MC2R: variants seen among roughly 807,000 people sequenced by gnomAD.
The protein encoded by MC2R is melanocortin 2 receptor.
In MC2R, 9 loss-of-function variants were observed where a neutral mutation model predicts 9.8. The observed-to-expected ratio is 0.92, with a 90% CI of 0.55 to 1.60. MC2R has a LOEUF of 1.60. MC2R is among the 40% of genes most tolerant of loss of function. The pLI is 0.00. For synonymous variants in MC2R, 185 were observed against 154.7 expected, an observed-to-expected ratio of 1.20 and a Z score of -1.45; for missense variants, 370 against 389.0, an observed-to-expected ratio of 0.95 and a Z score of 0.41.
chr18:13,890,664 G>A (rs138926719), intron 1 of MC2R, among the ~76,000 whole-genome samples: 9 of 152,038 alleles, frequency 5.9e-5, no homozygotes, highest in African/African-American at 1.9e-4. Context: ...TATGTCACTC[G>A]TTGCATAAGT....
At chr18:13,904,564 G>GA (rs201051873) in intron 1 of MC2R, among the ~76,000 whole-genome samples, 1 of 149,444 alleles carries the variant, frequency 6.7e-6, no homozygotes, top group African/African-American at 2.5e-5. Flanking sequence ...TTAGACAGGA[G>GA]AAAAAAAAGG....
At chr18:13,896,740 C>A (rs2045348126) in intron 1 of MC2R, among the ~76,000 whole-genome samples, 1 of 152,162 alleles carries the variant, frequency 6.6e-6, no homozygotes, top group South Asian at 2.1e-4. Context: ...TGATTTATGA[C>A]TCAGTGGCCT....
At chr18:13,886,950 G>A (rs2045280118) in intron 1 of MC2R, among the ~76,000 whole-genome samples, 1 of 152,246 alleles carries the variant, frequency 6.6e-6, no homozygotes, top group South Asian at 2.1e-4. Context: ...GGTGGATGCG[G>A]AAGGAAGGGG....
chr18:13,911,116 C>G (rs1209655488), intron 1 of MC2R, among the ~76,000 whole-genome samples: 2 of 152,204 alleles, frequency 1.3e-5, no homozygotes, highest in Non-Finnish European at 2.9e-5. Context: ...AACCCCAGAG[C>G]TGCGGTGATT....
chr18:13,909,866 A>T (rs182153954), intron 1 of MC2R, among the ~76,000 whole-genome samples: 14 of 152,372 alleles, frequency 9.2e-5, no homozygotes, highest in African/African-American at 3.4e-4. Context: ...GCAGAATGGT[A>T]TTAGAAACCA....
intron 1 of MC2R, 54 bp from the exon 2 acceptor site, chr18:13,885,700 C>T: frequency 6.1e-6 from 4 of 652,680 alleles, no homozygotes; most frequent in South Asian, 4.0e-5. Context: ...AAAATAAAAA[C>T]CAGCCACACT....
At chr18:13,904,769 C>G (rs2045403046) in intron 1 of MC2R, among the ~76,000 whole-genome samples, 1 of 152,144 alleles carries the variant, frequency 6.6e-6, no homozygotes. Context: ...TGATCTTTGA[C>G]AAACCCGACA....
At chr18:13,898,219 C>T (rs984170014) in intron 1 of MC2R, among the ~76,000 whole-genome samples, 2 of 152,172 alleles carry the variant, frequency 1.3e-5, no homozygotes, top group Non-Finnish European at 2.9e-5. Flanking sequence ...AACAAGGAAA[C>T]ATCGGTGGTA....
At chr18:13,894,940 C>T (rs1464094413) in intron 1 of MC2R, among the ~76,000 whole-genome samples, 1 of 152,240 alleles carries the variant, frequency 6.6e-6, no homozygotes, top group Non-Finnish European at 1.5e-5. Context: ...GTGTTTTGTT[C>T]TTGGCTTGCG....
chr18:13,898,625 C>T (rs1023728694), intron 1 of MC2R, among the ~76,000 whole-genome samples: 5 of 152,176 alleles, frequency 3.3e-5, no homozygotes, highest in African/African-American at 4.8e-5. Flanking sequence ...GTGGTAGTGA[C>T]GAGGTGCTTG....
At chr18:13,891,240 GA>G (rs1396705636) in intron 1 of MC2R, among the ~76,000 whole-genome samples, 5 of 152,186 alleles carry the variant, frequency 3.3e-5, no homozygotes, top group African/African-American at 1.2e-4. Flanking sequence ...AAAGTAGATG[GA>G]TCACTTCCTC....
At chr18:13,908,773 G>A (rs1043415337) in intron 1 of MC2R, among the ~76,000 whole-genome samples, 2 of 147,838 alleles carry the variant, frequency 1.4e-5, no homozygotes, top group Non-Finnish European at 3.0e-5. Flanking sequence ...AAAAATCCAT[G>A]ACATCAAATT....
At position 13,884,384 on chromosome 18, in the gene MC2R, G is replaced by A. The variant is rs1163449328; in HGVS notation, c.*241C>T. 6.9e-6 allele frequency: 4 copies of A among 579,658 alleles called. No homozygotes were observed. Among genetic ancestry groups the A allele is most frequent in the African/African-American group, 1.9e-5 (1 of 53,506 alleles). The allele number at this position is 579,658 out of a possible 1,614,324, so 35.9% of individuals were successfully genotyped here. A position where few individuals can be genotyped will look rare whatever the true frequency, so the allele number is the denominator to read the frequency against. ...TACTTTTGTACCTACCTAATACTTT[G>A]TATTCTATCCTTCTTTTACTACATC... On this transcript the variant is annotated 3_prime_UTR_variant, in exon 2 of 2. Coordinates refer to ENST00000327606, the MANE Select transcript of MC2R (RefSeq NM_000529.2).
At chr18:13,899,704 A>G (rs1465798301) in intron 1 of MC2R, among the ~76,000 whole-genome samples, 1 of 152,186 alleles carries the variant, frequency 6.6e-6, no homozygotes, top group South Asian at 2.1e-4. Context: ...GTGGCATGGT[A>G]TATTTAAAGT....
chr18:13,909,892 A>G (rs1304725145), intron 1 of MC2R, among the ~76,000 whole-genome samples: 1 of 152,232 alleles, frequency 6.6e-6, no homozygotes, highest in African/African-American at 2.4e-5. Flanking sequence ...AGAGTGCTCA[A>G]TGTACTTGTT....
intron 1 of MC2R, among the ~76,000 whole-genome samples, chr18:13,900,945 C>T (rs1001088989): frequency 6.6e-6 from 1 of 152,140 alleles, no homozygotes; most frequent in African/African-American, 2.4e-5. Flanking sequence ...ACAGAATATA[C>T]ATTCGTTTTC....
intron 1 of MC2R, among the ~76,000 whole-genome samples, chr18:13,887,034 G>A (rs1235305108): frequency 1.3e-5 from 2 of 152,258 alleles, no homozygotes; most frequent in Non-Finnish European, 2.9e-5. Flanking sequence ...AACATGGACA[G>A]GGTTTAAAAG....
At chr18:13,892,128 A>G (rs77376233) in intron 1 of MC2R, among the ~76,000 whole-genome samples, 14,355 of 152,152 alleles carry the variant, frequency 0.094, 750 homozygotes, top group Middle Eastern at 0.15. Flanking sequence ...ACCATCATGC[A>G]GGGTCGTGCT....
intron 1 of MC2R, among the ~76,000 whole-genome samples, chr18:13,902,056 G>A (rs2045383294): frequency 1.3e-5 from 2 of 151,950 alleles, no homozygotes; most frequent in African/African-American, 2.4e-5. Context: ...TGACCAAGTG[G>A]GATTTTTTCC....
Sources: gnomAD v4.1 joint callset for allele counts (sites outside exome capture counted in the v4.1 genomes callset) on GRCh38, gnomAD v4.1.1 for gene constraint, MANE v1.5 for transcripts, NCBI Gene and HGNC (gene_info 2026-07-23, HGNC 2026-07-21) for gene names.